Variants in RYR2 observed in about 807,000 individuals in gnomAD.
RYR2 encodes cardiac muscle ryanodine receptor-calcium release channel.
A neutral mutation model predicts 601.1 loss-of-function variants in RYR2; 227 were observed. The ratio of observed to expected loss-of-function variants is 0.38; its 90% confidence interval spans 0.34 to 0.42. RYR2 has a LOEUF of 0.42. Among genes scored for constraint, RYR2 ranks in the 10% least tolerant of loss-of-function variants. RYR2 has a pLI of 1.00. For synonymous variants in RYR2, 2,223 were observed against 2,175.1 expected, an observed-to-expected ratio of 1.02 and a Z score of -0.61; for missense variants, 4,646 against 6,156.5, an observed-to-expected ratio of 0.75 and a Z score of 8.21.
intron 42 of RYR2, among the ~76,000 whole-genome samples, chr1:237,632,540 G>A (rs1047826682): frequency 7.2e-5 from 11 of 151,752 alleles, no homozygotes; most frequent in South Asian, 2.1e-4. Flanking sequence ...GACTACAGGC[G>A]CCCACCACCA....
At chr1:237,530,362 C>T (rs114356013) in intron 24 of RYR2, 65 bp from the exon 25 acceptor site, 19,167 of 1,197,606 alleles carry the variant, frequency 0.016, 315 homozygotes, top group East Asian at 0.059. Context: ...GCTACTGCTG[C>T]TGTCTTGGGT....
intron 1 of RYR2, among the ~76,000 whole-genome samples, chr1:237,046,271 C>A (rs1000910332): frequency 1.3e-5 from 2 of 152,164 alleles, no homozygotes; most frequent in Non-Finnish European, 2.9e-5. Flanking sequence ...GAAGTCAGTA[C>A]TCAGCAGTGC....
At chr1:237,478,888 T>C (rs1661713402) in intron 17 of RYR2, among the ~76,000 whole-genome samples, 1 of 152,178 alleles carries the variant, frequency 6.6e-6, no homozygotes, top group East Asian at 1.9e-4. Flanking sequence ...TGGATAGTGA[T>C]GGAATGAGTG....
At chr1:237,801,714 C>A in intron 97 of RYR2, 142 bp from the exon 98 acceptor site, 1 of 499,112 alleles carries the variant, frequency 2.0e-6, no homozygotes, top group Admixed American at 3.2e-5. Context: ...CAGCTCCTCC[C>A]TTGGCATCTG....
chr1:237,155,327 C>G (rs1287830597), intron 1 of RYR2, among the ~76,000 whole-genome samples: 3 of 151,776 alleles, frequency 2.0e-5, no homozygotes, highest in Admixed American at 6.6e-5. Context: ...AGGCGCCCAC[C>G]ACCACGCTCG....
intron 35 of RYR2, among the ~76,000 whole-genome samples, chr1:237,607,831 G>A (rs1002618175): frequency 1.3e-5 from 2 of 152,184 alleles, no homozygotes; most frequent in East Asian, 1.9e-4. Flanking sequence ...GGCTGGCTTG[G>A]TGACCTTGGA....
intron 1 of RYR2, among the ~76,000 whole-genome samples, chr1:237,153,892 G>C (rs1001322292): frequency 6.6e-6 from 1 of 152,054 alleles, no homozygotes; most frequent in African/African-American, 2.4e-5. Flanking sequence ...ATTCTGAAAA[G>C]GTAGATTTTA....
intron 1 of RYR2, among the ~76,000 whole-genome samples, chr1:237,216,922 TA>T (rs1176947984): frequency 6.6e-6 from 1 of 152,182 alleles, no homozygotes; most frequent in African/African-American, 2.4e-5. Context: ...GGCTATTCAA[TA>T]AATATTTACC....
At chr1:237,705,156 G>A in intron 66 of RYR2, 57 bp from the exon 67 acceptor site, 1 of 1,499,044 alleles carries the variant, frequency 6.7e-7, no homozygotes. Flanking sequence ...ATTGTAATAT[G>A]ACTTTTTTAG....
chr1:237,294,616 A>G (rs1389021885), intron 2 of RYR2, among the ~76,000 whole-genome samples: 1 of 152,200 alleles, frequency 6.6e-6, no homozygotes, highest in Non-Finnish European at 1.5e-5. Flanking sequence ...GATTAATCAG[A>G]TACATTTTAA....
chr1:237,387,224 T>G, intron 8 of RYR2, 57 bp from the exon 9 acceptor site: 1 of 1,485,372 alleles, frequency 6.7e-7, no homozygotes, highest in Non-Finnish European at 9.4e-7. Context: ...TAGAAGCACT[T>G]ACATGTTACA....
chr1:237,635,038 T>C (rs770407693), intron 44 of RYR2, 46 bp downstream of exon 44: 1 of 1,328,170 alleles, frequency 7.5e-7, no homozygotes, highest in Non-Finnish European at 1.0e-6. Flanking sequence ...TTATGCTTTT[T>C]CACGGTTTTC....
At chr1:237,123,737 G>A (rs1671084189) in intron 1 of RYR2, among the ~76,000 whole-genome samples, 2 of 137,834 alleles carry the variant, frequency 1.5e-5, no homozygotes, top group East Asian at 2.1e-4. Flanking sequence ...GTGCAATCTC[G>A]GCTCACTGCA....
At chr1:237,422,697 A>G (rs139150070) in intron 11 of RYR2, among the ~76,000 whole-genome samples, 183 of 152,300 alleles carry the variant, frequency 1.2e-3, no homozygotes, top group African/African-American at 3.8e-3. Context: ...ACAGTTTTTA[A>G]CTAGTAAATG....
intron 1 of RYR2, among the ~76,000 whole-genome samples, chr1:237,165,567 T>C (rs565636575): frequency 9.8e-5 from 15 of 152,290 alleles, no homozygotes; most frequent in African/African-American, 3.6e-4. Flanking sequence ...TGTCCTTTTA[T>C]TTGTAATTAA....
chr1:237,365,618 C>T (rs1380173724), intron 5 of RYR2, among the ~76,000 whole-genome samples: 1 of 152,204 alleles, frequency 6.6e-6, no homozygotes, highest in Non-Finnish European at 1.5e-5. Flanking sequence ...TTTAAAACAA[C>T]AGCAAAATAG....
intron 1 of RYR2, among the ~76,000 whole-genome samples, chr1:237,138,193 G>A (rs191883685): frequency 7.9e-5 from 12 of 151,910 alleles, no homozygotes; most frequent in East Asian, 5.8e-4. Flanking sequence ...CACCGTGCCC[G>A]GCTAATTTTT....
intron 1 of RYR2, among the ~76,000 whole-genome samples, chr1:237,118,915 C>T (rs1046051436): frequency 1.2e-4 from 18 of 150,920 alleles, no homozygotes; most frequent in African/African-American, 3.7e-4. Context: ...ACCTAATTCA[C>T]GTGAAAAAGG....
intron 1 of RYR2, among the ~76,000 whole-genome samples, chr1:237,165,883 C>T (rs1028822512): frequency 1.3e-5 from 2 of 152,008 alleles, no homozygotes; most frequent in African/African-American, 4.8e-5. Context: ...ATGCCTGTAG[C>T]CTGTTGTCAG....
Sources: gnomAD v4.1 joint callset for allele counts (sites outside exome capture counted in the v4.1 genomes callset) on GRCh38, gnomAD v4.1.1 for gene constraint, MANE v1.5 for transcripts, NCBI Gene and HGNC (gene_info 2026-07-23, HGNC 2026-07-21) for gene names.